DDA1: variants seen among roughly 807,000 people sequenced by gnomAD.
The protein encoded by DDA1 is DET1- and DDB1-associated protein 1.
A neutral mutation model predicts 18.6 loss-of-function variants in DDA1; 3 were observed. The observed-to-expected ratio is 0.16, with a 90% CI of 0.07 to 0.42. The LOEUF (loss-of-function observed/expected upper bound fraction) is 0.42, where lower values mean the gene tolerates loss of function less well. Among genes scored for constraint, DDA1 ranks in the 10% least tolerant of loss-of-function variants. DDA1 has a pLI of 0.99. For missense variants in DDA1, 105 were observed against 138.2 expected (o/e 0.76, Z 1.20); for synonymous variants, 52 against 54.0 (o/e 0.96, Z 0.17).
chr19:17,317,076 T>G (rs574384985), intron 4 of DDA1, among the ~76,000 whole-genome samples: 2 of 150,270 alleles, frequency 1.3e-5, no homozygotes, highest in African/African-American at 4.9e-5. Context: ...AATACAAAAA[T>G]TAGCTGGGCA....
intron 1 of DDA1, among the ~76,000 whole-genome samples, chr19:17,313,356 A>G (rs1329933129): frequency 6.6e-6 from 1 of 150,606 alleles, no homozygotes; most frequent in Non-Finnish European, 1.5e-5. Flanking sequence ...AGGGCAAGCC[A>G]TGTGGAGAGA....
intron 1 of DDA1, among the ~76,000 whole-genome samples, chr19:17,311,323 A>T (rs1458609338): frequency 6.6e-6 from 1 of 151,714 alleles, no homozygotes; most frequent in African/African-American, 2.4e-5. Flanking sequence ...TGCCCGGCTA[A>T]TTTTTGTATT....
At chr19:17,319,020 T>C (rs1180449018) in intron 4 of DDA1, among the ~76,000 whole-genome samples, 2 of 152,166 alleles carry the variant, frequency 1.3e-5, no homozygotes, top group African/African-American at 4.8e-5. Context: ...CGTGTGCTTC[T>C]GTCTTGCGTT....
rs1362593583 is a variant in DDA1 at position 17,309,780 on chromosome 19, G to C, written c.3+123G>C. 15 of 1,286,372 alleles carry C rather than the reference G, an allele frequency of 1.2e-5. No individual in the cohort carries two copies. The African/African-American group carries it at 2.0e-4, about 17-fold the overall frequency. 79.7% of individuals were successfully genotyped at this position (1,286,372 alleles called of 1,614,324 possible). A position where few individuals can be genotyped will look rare whatever the true frequency, so the allele number is the denominator to read the frequency against. On this transcript the variant is annotated intron_variant, in intron 1 of 4. Transcript: ENST00000359866. ...TGCCCGGTCCCCTCAGGTCCGGCCC[G>C]CCCCTCCCACTCACCTGTGACCTTC... is the stretch of plus-strand genomic sequence containing the variant.
chr19:17,315,121 GTATATATACACACATA>G (rs1163760819), intron 3 of DDA1, among the ~76,000 whole-genome samples: 1 of 82,376 alleles, frequency 1.2e-5, no homozygotes, highest in Non-Finnish European at 2.4e-5. Flanking sequence ...ATACACACAC[GTATATATACACACATA>G]TATATACACA....
chr19:17,312,441 A>C (rs761216042), intron 1 of DDA1, among the ~76,000 whole-genome samples: 1 of 152,054 alleles, frequency 6.6e-6, no homozygotes, highest in Non-Finnish European at 1.5e-5. Context: ...TATTTGCCAC[A>C]TGGAGGCATG....
In DDA1 at chr19:17,315,332, CACG is replaced by C. The variant is rs1255246514; in HGVS notation, c.137-601_137-599del. Among the ~76,000 whole-genome samples, 20 of 104,754 alleles carry C rather than the reference CACG, an allele frequency of 1.9e-4. 1 individual carries two copies. The highest frequency in any genetic ancestry group is 7.2e-4 in the African/African-American group (17 of 23,598). 68.7% of individuals were successfully genotyped at this position (104,754 alleles called of 152,430 possible). ...TATATATACACGCTATATATATACA[CACG>C]TATATATATACACGCTATATATATA... On this transcript the variant is annotated intron_variant, in intron 3 of 4. Coordinates refer to ENST00000359866, the MANE Select transcript of DDA1 (RefSeq NM_024050.6).
rs527525476 is a variant in DDA1 at position 17,310,130 on chromosome 19, G to C, written c.3+473G>C. On this transcript the variant is annotated intron_variant, in intron 1 of 4. Transcript: ENST00000359866. ...ACATCGCCGATTGTCCCGGTTCCCCGGGCCCTGACCCCACCTCCACCATTC... is the reference window on the plus strand; with the variant it reads ...ACATCGCCGATTGTCCCGGTTCCCCCGGCCCTGACCCCACCTCCACCATTC... The C allele has an allele frequency of 1.9e-4, 32 of 164,888 alleles. 1 individual carries two copies. In the Admixed American group the frequency reaches 2.0e-3, roughly 10 times the overall value. 10.2% of individuals were successfully genotyped at this position (164,888 alleles called of 1,614,324 possible). A position where few individuals can be genotyped will look rare whatever the true frequency, so the allele number is the denominator to read the frequency against.
chr19:17,319,424 G>A, intron 4 of DDA1, 122 bp from the exon 5 acceptor site: 1 of 713,470 alleles, frequency 1.4e-6, no homozygotes, highest in Non-Finnish European at 2.4e-6. Flanking sequence ...ATTAAGCGTG[G>A]TGGTATGTGC....
Position 17,319,722 on chromosome 19 carries a change from A to G in DDA1, c.*66A>G, listed in dbSNP as rs2074230892. The G allele has an allele frequency of 3.5e-6, 5 of 1,447,210 alleles. No individual in the cohort carries two copies. In the Admixed American group the frequency reaches 6.0e-5, roughly 17 times the overall value. 89.6% of individuals were successfully genotyped at this position (1,447,210 alleles called of 1,614,324 possible). On this transcript the variant is annotated 3_prime_UTR_variant, in exon 5 of 5. Coordinates refer to ENST00000359866, the MANE Select transcript of DDA1 (RefSeq NM_024050.6). ...TCGGTCGCCCACCCGCCTGCCCGCC[A>G]TGTGTAAGCACCCCGCCCGCCCGCC...
chr19:17,310,441 T>G (rs2074173959), intron 1 of DDA1, among the ~76,000 whole-genome samples: 1 of 152,180 alleles, frequency 6.6e-6, no homozygotes, highest in Non-Finnish European at 1.5e-5. Flanking sequence ...TCCTGGAATT[T>G]GGGTCTGGTG....
chr19:17,309,682 C>G (rs760394803), intron 1 of DDA1, 25 bp downstream of exon 1: 1 of 1,611,690 alleles, frequency 6.2e-7, no homozygotes, highest in Non-Finnish European at 8.5e-7. Context: ...CAGGCCCCCA[C>G]TCCCCCTCTG....
intron 1 of DDA1, among the ~76,000 whole-genome samples, chr19:17,313,089 C>T (rs1293243817): frequency 6.6e-6 from 1 of 152,220 alleles, no homozygotes; most frequent in Non-Finnish European, 1.5e-5. Flanking sequence ...TCTTGGGCCT[C>T]AGGCATCAGG....
chr19:17,319,446 G>T, intron 4 of DDA1, 100 bp from the exon 5 acceptor site: 1 of 947,738 alleles, frequency 1.1e-6, no homozygotes. Context: ...TGTAGTCCTA[G>T]CTACTCCAGA....
In DDA1 at chr19:17,313,590, G is replaced by A. The variant is rs570439122; in HGVS notation, c.4-433G>A. 3.2e-4 allele frequency among the ~76,000 whole-genome samples: 48 copies of A among 151,716 alleles called. No homozygotes were observed. In the South Asian group the frequency reaches 7.7e-3, roughly 24 times the overall value. On this transcript the variant is annotated intron_variant, in intron 1 of 4. Coordinates refer to ENST00000359866, the MANE Select transcript of DDA1 (RefSeq NM_024050.6). Reference sequence around the variant, plus strand: ...CCCGAGTAGCTGGGATCATAGGCGCGCACCACCACGCCCACCTAATTTTTA... The same window carrying A: ...CCCGAGTAGCTGGGATCATAGGCGCACACCACCACGCCCACCTAATTTTTA...
intron 3 of DDA1, among the ~76,000 whole-genome samples, chr19:17,315,194 CGT>C (rs1491508573): frequency 0.014 from 278 of 20,060 alleles, 57 homozygotes; most frequent in Middle Eastern, 0.028. Context: ...TATACACACA[CGT>C]GTATACACAC....
rs751468064 is a variant in DDA1 at position 17,315,885 on chromosome 19, A to G, written c.137-49A>G. The G allele has an allele frequency of 3.2e-6, 5 of 1,574,826 alleles. No individual in the cohort carries two copies. The South Asian group carries it at 5.5e-5, about 17-fold the overall frequency. ...CCTCCCAGGGCAGTGTCAGGGGAGG[A>G]GCCTGGGGAGGGGAGGCGTCTGCGA... On this transcript the variant is annotated intron_variant, in intron 3 of 4. Transcript: ENST00000359866.
chr19:17,310,950 AC>A (rs2074175929), intron 1 of DDA1, among the ~76,000 whole-genome samples: 2 of 151,936 alleles, frequency 1.3e-5, no homozygotes, highest in Non-Finnish European at 2.9e-5. Flanking sequence ...ACCAGAAGGA[AC>A]TTTTTTTTTG....
intron 4 of DDA1, among the ~76,000 whole-genome samples, chr19:17,317,973 A>G (rs1164180810): frequency 6.7e-6 from 1 of 149,356 alleles, no homozygotes; most frequent in Non-Finnish European, 1.5e-5. Context: ...TTCGTTTTTC[A>G]TTTTCTTTTG....
Sources: allele counts gnomAD v4.1 joint callset (sites outside exome capture counted in the v4.1 genomes callset), GRCh38; gene constraint gnomAD v4.1.1; transcripts MANE v1.5; gene names NCBI Gene and HGNC (gene_info 2026-07-23, HGNC 2026-07-21).